The following PGM5 variants were observed in gnomAD, a reference collection of about 807,000 sequenced individuals.
The protein encoded by PGM5 is phosphoglucomutase 5.
In PGM5, 23 loss-of-function variants were observed where a neutral mutation model predicts 59.2. The observed-to-expected ratio is 0.39, with a 90% CI of 0.28 to 0.55. The LOEUF (loss-of-function observed/expected upper bound fraction) is 0.55. PGM5 is among the 20% of genes least tolerant of loss of function. The pLI is 0.66. For missense variants in PGM5, 574 were observed against 748.3 expected, an observed-to-expected ratio of 0.77 and a Z score of 2.72; for synonymous variants, 214 against 286.0, an observed-to-expected ratio of 0.75 and a Z score of 2.54.
intron 2 of PGM5, among the ~76,000 whole-genome samples, chr9:68,383,740 T>TAAAAAAAAAAAA (rs61055122): frequency 1.9e-5 from 2 of 106,296 alleles, no homozygotes; most frequent in African/African-American, 3.5e-5. Flanking sequence ...ATATACAAGG[T>TAAAAAAAAAAAA]AAAAAAAAAA....
At chr9:68,424,136 A>G (rs1398857245) in intron 6 of PGM5, among the ~76,000 whole-genome samples, 2 of 152,206 alleles carry the variant, frequency 1.3e-5, no homozygotes, top group Admixed American at 6.5e-5. Flanking sequence ...AAAGTTTCCT[A>G]TGAAGAGCTG....
At chr9:68,450,223 T>G (rs1554684256) in intron 6 of PGM5, among the ~76,000 whole-genome samples, 4 of 152,082 alleles carry the variant, frequency 2.6e-5, no homozygotes, top group Non-Finnish European at 1.5e-5. Flanking sequence ...TAAACTTGCC[T>G]AAAAACAAGA....
Position 68,529,727 on chromosome 9 carries a change from C to G in PGM5, c.*71C>G. On this transcript the variant is annotated 3_prime_UTR_variant, in exon 11 of 11. Coordinates refer to ENST00000396396, the MANE Select transcript of PGM5 (RefSeq NM_021965.4). ...GAGATGCTTCACTGATGCCTTCTTG[C>G]TACCTGTTTGTGCCTCTTATGACTT... 1 of 903,356 alleles carries G rather than the reference C, an allele frequency of 1.1e-6. No homozygotes were observed. Among genetic ancestry groups the G allele is most frequent in the Non-Finnish European group, 1.6e-6 (1 of 608,974 alleles). The allele number at this position is 903,356 out of a possible 1,614,324, so 56.0% of individuals were successfully genotyped here. A position where few individuals can be genotyped will look rare whatever the true frequency, so the allele number is the denominator to read the frequency against.
chr9:68,434,323 AAAAAAAAAAAAAAAAAG>A (rs1329876118), intron 6 of PGM5, among the ~76,000 whole-genome samples: 5 of 130,772 alleles, frequency 3.8e-5, no homozygotes, highest in Non-Finnish European at 8.0e-5. Context: ...TCTCAAAAAA[AAAAAAAAAAAAAAAAAG>A]AAAAAGAAAA....
chr9:68,437,216 G>C lies in PGM5; in HGVS notation c.1044-27877G>C. Among the ~76,000 whole-genome samples, 1 of 152,216 alleles carries C rather than the reference G, an allele frequency of 6.6e-6. No individual in the cohort carries two copies. ...CAAATTAAAAATTCTTGGCAACATA[G>C]ATTAATGATCATTTTTGAGATTTTT... On this transcript the variant is annotated intron_variant, in intron 6 of 10. Transcript: ENST00000396396. This position sits in a 1 kb window ranked among gnomAD's most constrained non-coding sequence, Gnocchi z 4.1.
chr9:68,518,834 A>C (rs1227432490), intron 10 of PGM5, among the ~76,000 whole-genome samples: 1 of 152,214 alleles, frequency 6.6e-6, no homozygotes, highest in Non-Finnish European at 1.5e-5. Flanking sequence ...ATTTAGTTGG[A>C]GTCTCAAAAG....
At chr9:68,383,171 T>C (rs1327507403) in intron 2 of PGM5, among the ~76,000 whole-genome samples, 7 of 151,812 alleles carry the variant, frequency 4.6e-5, no homozygotes, top group African/African-American at 1.7e-4. Context: ...ATAGGACTAT[T>C]GCTATTCTTT....
intron 1 of PGM5, among the ~76,000 whole-genome samples, chr9:68,373,392 A>T (rs62551323): frequency 0.25 from 38,140 of 151,710 alleles, 5,770 homozygotes; most frequent in Admixed American, 0.34. Context: ...AATTATAACT[A>T]AAGTATTTCA....
chr9:68,505,260 A>G (rs1824636215), intron 10 of PGM5, among the ~76,000 whole-genome samples: 1 of 152,182 alleles, frequency 6.6e-6, no homozygotes. Flanking sequence ...CTTGAGTCCA[A>G]GGCTACCTCT....
At chr9:68,379,491 C>T (rs1554678141) in intron 2 of PGM5, among the ~76,000 whole-genome samples, 1 of 152,082 alleles carries the variant, frequency 6.6e-6, no homozygotes, top group Non-Finnish European at 1.5e-5. Context: ...AAGCAGAAAA[C>T]TAAACCACCA....
At chr9:68,398,243 AAAG>A (rs1822564343) in intron 6 of PGM5, 1 of 152,258 alleles carries the variant, frequency 6.6e-6, no homozygotes, top group Non-Finnish European at 1.5e-5. Context: ...TAAAAGAAAA[AAAG>A]AAGAAAGCCC....
At chr9:68,396,008 G>T (rs577290852) in intron 6 of PGM5, 1 of 152,076 alleles carries the variant, frequency 6.6e-6, no homozygotes, top group African/African-American at 2.4e-5. Flanking sequence ...AAGCAAAAAT[G>T]GGACCATTTC....
chr9:68,410,360 G>A (rs1197347182), intron 6 of PGM5, among the ~76,000 whole-genome samples: 3 of 152,148 alleles, frequency 2.0e-5, no homozygotes, highest in Non-Finnish European at 4.4e-5. Context: ...GGGGATGAGA[G>A]TTATAGAGGG....
At chr9:68,466,999 G>A (rs1461725802) in intron 7 of PGM5, among the ~76,000 whole-genome samples, 1 of 152,158 alleles carries the variant, frequency 6.6e-6, no homozygotes, top group African/African-American at 2.4e-5. Context: ...ACCTGGGGAT[G>A]AGAAGGTTTT....
intron 9 of PGM5, among the ~76,000 whole-genome samples, chr9:68,489,223 A>G (rs1277272502): frequency 6.6e-6 from 1 of 152,150 alleles, no homozygotes; most frequent in Non-Finnish European, 1.5e-5. Flanking sequence ...TAGAAGGAAT[A>G]CTCCAATCCT....
chr9:68,383,716 T>G (rs1587782271), intron 2 of PGM5, among the ~76,000 whole-genome samples: 1 of 95,300 alleles, frequency 1.0e-5, no homozygotes, highest in South Asian at 3.3e-4. Context: ...AAATCTGAAA[T>G]GGCTTGCATT....
chr9:68,489,976 C>T (rs559951963), intron 9 of PGM5, among the ~76,000 whole-genome samples: 4 of 152,192 alleles, frequency 2.6e-5, no homozygotes, highest in African/African-American at 7.2e-5. Context: ...AAAAAAGAAC[C>T]GTTTGAATTT....
chr9:68,478,438 G>A (rs1824139799), intron 7 of PGM5, among the ~76,000 whole-genome samples: 1 of 151,710 alleles, frequency 6.6e-6, no homozygotes, highest in Non-Finnish European at 1.5e-5. Flanking sequence ...TTGCCTCAGT[G>A]GGGGCAGACC....
At chr9:68,469,161 G>A (rs930554484) in intron 7 of PGM5, among the ~76,000 whole-genome samples, 6 of 152,282 alleles carry the variant, frequency 3.9e-5, no homozygotes, top group South Asian at 4.1e-4. Flanking sequence ...CAAGTGATCC[G>A]CCCACCTTGG....
Sources: allele counts gnomAD v4.1 joint callset (sites outside exome capture counted in the v4.1 genomes callset), GRCh38; gene constraint gnomAD v4.1.1; non-coding constraint Gnocchi (gnomAD v3.1); transcripts MANE v1.5; gene names NCBI Gene and HGNC (gene_info 2026-07-23, HGNC 2026-07-21).